The following ZNF214 variants were observed in gnomAD, a reference collection of about 807,000 sequenced individuals.
ZNF214 encodes the protein zinc finger protein 214.
Under a neutral mutation model 53.9 loss-of-function variants are expected in ZNF214, and 43 were observed. The ratio of observed to expected loss-of-function variants is 0.80; its 90% CI spans 0.63 to 1.03. ZNF214 has a LOEUF of 1.03. ZNF214 is among the 50% of genes least tolerant of loss of function. ZNF214 has a pLI of 0.00. For missense variants in ZNF214, 724 were observed against 719.1 expected (o/e 1.01, Z -0.08); for synonymous variants, 217 against 229.5 (o/e 0.95, Z 0.49).
intron 1 of ZNF214, among the ~76,000 whole-genome samples, chr11:7,014,678 T>C (rs1851706508): frequency 6.6e-6 from 1 of 151,876 alleles, no homozygotes; most frequent in Non-Finnish European, 1.5e-5. Context: ...AAGTATATGC[T>C]GATTTAGGCT....
chr11:7,001,381 G>A lies in ZNF214; in HGVS notation c.302C>T (p.Ser101Phe). The A allele has an allele frequency of 6.2e-7, 1 of 1,613,216 alleles. No homozygotes were observed. The highest frequency in any genetic ancestry group is 8.5e-7 in the Non-Finnish European group (1 of 1,179,428). Reference protein sequence around the residue: ...DSKDLTQQDRSQCQEWLILST... With the variant: ...DSKDLTQQDRFQCQEWLILST... Reference sequence around the variant, plus strand: ...GAGTATTAACCATTCCTGACACTGGGAACGATCTTGCTGTGTGAGGTCTTT... The same window carrying A: ...GAGTATTAACCATTCCTGACACTGGAAACGATCTTGCTGTGTGAGGTCTTT... Residue 101 changes from serine (S) to phenylalanine (F), a missense_variant, in exon 3 of 3, where the codon TCC becomes TTC. By Grantham distance (155) the Ser-to-Phe change is radical. Coordinates refer to ENST00000278314, the MANE Select transcript of ZNF214 (RefSeq NM_013249.4).
At chr11:7,001,646 AAT>A in intron 2 of ZNF214, 91 bp from the exon 3 acceptor site, 1 of 1,404,172 alleles carries the variant, frequency 7.1e-7, no homozygotes, top group Non-Finnish European at 9.5e-7. Flanking sequence ...AAATGATAGG[AAT>A]ATATGTGTGG....
chr11:7,006,400 A>G (rs928033048), intron 1 of ZNF214, among the ~76,000 whole-genome samples: 1 of 152,050 alleles, frequency 6.6e-6, no homozygotes, highest in African/African-American at 2.4e-5. Flanking sequence ...GTTTTCTTTA[A>G]GGTCCTTTTC....
chr11:7,004,348 CATG>C (rs1401737983), intron 1 of ZNF214, among the ~76,000 whole-genome samples: 7 of 151,734 alleles, frequency 4.6e-5, no homozygotes, highest in Non-Finnish European at 8.8e-5. Flanking sequence ...TTAATAAAGA[CATG>C]ATAATTCTGC....
At chr11:7,015,619 G>GA (rs1219358413) in intron 1 of ZNF214, among the ~76,000 whole-genome samples, 1 of 151,576 alleles carries the variant, frequency 6.6e-6, no homozygotes, top group East Asian at 1.9e-4. Flanking sequence ...AAATAGGCTT[G>GA]AAAAAACAAG....
Position 7,000,812 on chromosome 11 carries a change from G to C in ZNF214, c.871C>G (p.His291Asp). 6.2e-7 allele frequency: 1 copy of C among 1,611,270 alleles called. No individual in the cohort carries two copies. Among genetic ancestry groups the C allele is most frequent in the Non-Finnish European group, 8.5e-7 (1 of 1,179,208 alleles). Residue 291 changes from histidine to aspartate, a missense_variant, in exon 3 of 3, where the codon CAC becomes GAC. His to Asp is a moderately conservative substitution (Grantham distance 81). Coordinates refer to ENST00000278314, the MANE Select transcript of ZNF214 (RefSeq NM_013249.4). ...DGNFHQSSGV[H>D]FHQRVHIGEV... ...CCTATGTGAACTCTCTGATGAAAGT[G>C]AACTCCGGAGCTCTGATGAAAGTTA...
intron 1 of ZNF214, 60 bp from the exon 2 acceptor site, chr11:7,002,915 A>G: frequency 1.4e-6 from 2 of 1,453,908 alleles, no homozygotes; most frequent in Non-Finnish European, 1.8e-6. Context: ...AGCAGATAAG[A>G]TATGTGGCAA....
chr11:6,999,992 C>G lies in ZNF214; in HGVS notation c.1691G>C (p.Ser564Thr), dbSNP rs150470989. 4.4e-4 allele frequency: 708 copies of G among 1,613,272 alleles called. 1 individual carries two copies. The highest frequency in any genetic ancestry group is 5.7e-4 in the Non-Finnish European group (678 of 1,179,514). Residue 564 changes from serine to threonine, a missense_variant, in exon 3 of 3, where the codon AGT (serine) becomes ACT (threonine). Physicochemically the swap from Ser to Thr is moderately conservative, Grantham distance 58. Transcript: ENST00000278314. ...ATGAATTCGAAGAGCTGAGCTATGA[C>G]TGAAACCTTTACCACACTTAGCACA... is the stretch of plus-strand genomic sequence containing the variant. The part of the protein sequence containing the change: ...YQCAKCGKGF[S>T]HSSALRIHQR...
chr11:7,016,440 C>T (rs1287948546), intron 1 of ZNF214, among the ~76,000 whole-genome samples: 1 of 152,032 alleles, frequency 6.6e-6, no homozygotes, highest in Non-Finnish European at 1.5e-5. Context: ...ATCTTTTTGA[C>T]CAAAATGGAA....
rs1851347278 is a variant in ZNF214 at position 7,001,415 on chromosome 11, T to C, written c.268A>G (p.Thr90Ala). ...NQNYGETVQGTDSKDLTQQDR... is the reference protein window; with the variant it reads ...NQNYGETVQGADSKDLTQQDR... ...TGCTGTGTGAGGTCTTTGGAATCTG[T>C]CCCTTGAACAGTTTCCCCATAGTTC... Residue 90 changes from threonine (T) to alanine (A), a missense_variant, in exon 3 of 3, where the codon ACA (threonine) becomes GCA (alanine). Thr to Ala is a moderately conservative substitution (Grantham distance 58). Transcript: ENST00000278314. 7 of 1,613,252 alleles carry C rather than the reference T, an allele frequency of 4.3e-6. No homozygotes were observed. The East Asian group carries it at 1.6e-4, about 36-fold the overall frequency.
intron 1 of ZNF214, among the ~76,000 whole-genome samples, chr11:7,009,482 A>G (rs1044636554): frequency 1.8e-4 from 28 of 152,220 alleles, no homozygotes; most frequent in Non-Finnish European, 3.7e-4. Flanking sequence ...CCTGGAAGAT[A>G]ACCTAGGGGA....
chr11:7,002,059 C>G (rs972600439), intron 2 of ZNF214, among the ~76,000 whole-genome samples: 22 of 151,956 alleles, frequency 1.4e-4, no homozygotes, highest in African/African-American at 4.8e-4. Flanking sequence ...ACACAATTTG[C>G]GTTGGTAACT....
chr11:7,002,565 C>T, intron 2 of ZNF214, 144 bp downstream of exon 2: 9 of 912,654 alleles, frequency 9.9e-6, no homozygotes, highest in Non-Finnish European at 1.4e-5. Flanking sequence ...CTTGCTTTAT[C>T]TTCTATTTGT....
intron 1 of ZNF214, among the ~76,000 whole-genome samples, chr11:7,007,249 A>C (rs1851491016): frequency 6.6e-6 from 1 of 151,762 alleles, no homozygotes; most frequent in Non-Finnish European, 1.5e-5. Flanking sequence ...AAATCTATGA[A>C]AAACAAAATA....
Position 7,001,182 on chromosome 11 carries a change from G to T in ZNF214, c.501C>A (p.Tyr167Ter), listed in dbSNP as rs375648635. The stretch of plus-strand genomic sequence containing the variant: ...GGTTTTTCCTGGATATGCCAAGACG[G>T]TATCTGCCCCCTTGAAAACCATGTG... ...SGSHGFQGGR[Y>*]RLGISRKNLS... Residue 167 changes from tyrosine to a stop codon, truncating the protein, a stop_gained, in exon 3 of 3, where the codon TAC becomes TAA. Transcript: ENST00000278314. LOFTEE classifies it high-confidence loss of function. The T allele has an allele frequency of 5.6e-6, 9 of 1,613,120 alleles. No individual in the cohort carries two copies. The African/African-American group carries it at 8.0e-5, about 14-fold the overall frequency.
rs143670449 is a variant in ZNF214, at chr11:7,003,781, A to G, written c.-20-926T>C. ...CACCAAACTACTATTTTCCAAATAA[A>G]CTACATGAAAATACATGTCTAAACA... On this transcript the variant is annotated intron_variant, in intron 1 of 2. Coordinates refer to ENST00000278314, the MANE Select transcript of ZNF214 (RefSeq NM_013249.4). 3.2e-4 allele frequency among the ~76,000 whole-genome samples: 49 copies of G among 152,154 alleles called. No individual in the cohort carries two copies. The East Asian group carries it at 8.9e-3, about 28-fold the overall frequency.
At chr11:7,007,975 C>T (rs1189832355) in intron 1 of ZNF214, among the ~76,000 whole-genome samples, 1 of 152,090 alleles carries the variant, frequency 6.6e-6, no homozygotes, top group Non-Finnish European at 1.5e-5. Flanking sequence ...AAAGTCCACA[C>T]TTCTGAAACC....
intron 1 of ZNF214, among the ~76,000 whole-genome samples, chr11:7,007,849 A>G (rs1851508557): frequency 8.3e-6 from 1 of 120,654 alleles, no homozygotes; most frequent in South Asian, 3.1e-4. Context: ...TATAAGATAG[A>G]CCATGTATTA....
In ZNF214 at chr11:6,999,038, A is replaced by T. The variant is rs963521451; in HGVS notation, c.*824T>A. Among the ~76,000 whole-genome samples, 11 of 151,978 alleles carry T rather than the reference A, an allele frequency of 7.2e-5. No homozygotes were observed. The highest frequency in any genetic ancestry group is 2.2e-4 in the African/African-American group (9 of 41,408). On this transcript the variant is annotated 3_prime_UTR_variant, in exon 3 of 3. Transcript: ENST00000278314. ...ATTACCACTCTGTTCTACTGAGATT[A>T]AATAAAATTCTACTGCTTGGATCTC...
Sources: allele counts gnomAD v4.1 joint callset (sites outside exome capture counted in the v4.1 genomes callset), GRCh38; gene constraint gnomAD v4.1.1; transcripts MANE v1.5; gene names NCBI Gene and HGNC (gene_info 2026-07-23, HGNC 2026-07-21).